CHD8: variants seen among roughly 807,000 people sequenced by gnomAD.
CHD8 encodes chromodomain helicase DNA binding protein 8.
A neutral mutation model predicts 279.2 loss-of-function variants in CHD8; 31 were observed. The observed-to-expected ratio is 0.11, with a 90% CI of 0.08 to 0.15. CHD8 has a LOEUF of 0.15. Among genes scored for constraint, CHD8 ranks in the 10% least tolerant of loss-of-function variants. CHD8 has a pLI of 1.00. For missense variants in CHD8, 2,146 were observed against 3,230.5 expected, an observed-to-expected ratio of 0.66 and a Z score of 8.14; for synonymous variants, 1,081 against 1,139.6, an observed-to-expected ratio of 0.95 and a Z score of 1.04.
chr14:21,401,668 T>C (rs1888043541), intron 20 of CHD8, 155 bp from the exon 21 acceptor site: 6 of 590,724 alleles, frequency 1.0e-5, no homozygotes, highest in Non-Finnish European at 1.7e-5. Context: ...CACCGCAACC[T>C]CCACCCCCTG....
intron 13 of CHD8, among the ~76,000 whole-genome samples, chr14:21,407,757 C>G (rs992381714): frequency 2.0e-5 from 3 of 151,910 alleles, no homozygotes; most frequent in African/African-American, 7.3e-5. Context: ...TACAGGTGCC[C>G]ACCACCACAC....
Position 21,391,636 on chromosome 14 carries a change from C to A in CHD8, c.6892G>T (p.Val2298Leu). The change falls in exon 36 of 38, where the codon GTG becomes TTG. Residue 2298 changes from valine to leucine, a missense_variant. Coordinates refer to ENST00000646647, the MANE Select transcript of CHD8 (RefSeq NM_001170629.2). ...GNRKKLVELEVECMEEPNHLD... is the reference protein window; with the variant it reads ...GNRKKLVELELECMEEPNHLD... The stretch of plus-strand genomic sequence containing the variant: ...TGATTAGGCTCTTCCATGCACTCCA[C>A]CTCCAGCTGCAAACCCAGAATCCAC... 6.3e-7 allele frequency: 1 copy of A among 1,590,238 alleles called. No individual in the cohort carries two copies. Among genetic ancestry groups the A allele is most frequent in the Non-Finnish European group, 8.6e-7 (1 of 1,167,968 alleles).
At chr14:21,412,852 G>C in intron 10 of CHD8, 61 bp downstream of exon 10, 2 of 1,058,042 alleles carry the variant, frequency 1.9e-6, no homozygotes, top group Non-Finnish European at 2.9e-6. Context: ...TAAAGGATTG[G>C]CAAACCCACC....
In CHD8 at chr14:21,431,803, G is replaced by T; in HGVS notation, c.-160C>A. On this transcript the variant is annotated 5_prime_UTR_variant, in exon 2 of 38. Coordinates refer to ENST00000646647, the MANE Select transcript of CHD8 (RefSeq NM_001170629.2). Reference sequence around the variant, plus strand: ...GCAAGAAACAAGTGCATGTCAGATTGTCCTGACCTTCATGGAGCAAGATGG... The same window carrying T: ...GCAAGAAACAAGTGCATGTCAGATTTTCCTGACCTTCATGGAGCAAGATGG... The T allele has an allele frequency of 1.2e-6, 2 of 1,613,444 alleles. No homozygotes were observed. Among genetic ancestry groups the T allele is most frequent in the Non-Finnish European group, 8.5e-7 (1 of 1,179,440 alleles).
intron 1 of CHD8, among the ~76,000 whole-genome samples, chr14:21,453,971 T>C (rs981802287): frequency 2.6e-5 from 4 of 151,072 alleles, no homozygotes; most frequent in Non-Finnish European, 4.4e-5. Context: ...CTAGCCAATA[T>C]GGTGAAACCC....
chr14:21,440,695 C>G (rs546331446), intron 1 of CHD8, among the ~76,000 whole-genome samples: 1 of 152,052 alleles, frequency 6.6e-6, no homozygotes, highest in Non-Finnish European at 1.5e-5. Flanking sequence ...AAGTGTAAAT[C>G]GCGAAGAAGG....
intron 4 of CHD8, 150 bp from the exon 5 acceptor site, chr14:21,426,392 T>C: frequency 6.8e-6 from 4 of 584,722 alleles, no homozygotes; most frequent in Non-Finnish European, 9.0e-6. Flanking sequence ...CTAAATATGG[T>C]GTTTGAAAAA....
chr14:21,436,319 A>G (rs1889779166), intron 1 of CHD8, among the ~76,000 whole-genome samples: 1 of 152,276 alleles, frequency 6.6e-6, no homozygotes, highest in African/African-American at 2.4e-5. Flanking sequence ...TAAATGAGAA[A>G]TACCTTGAAA....
chr14:21,431,886 A>G, intron 1 of CHD8, 28 bp from the exon 2 acceptor site: 2 of 1,516,720 alleles, frequency 1.3e-6, no homozygotes, highest in Non-Finnish European at 1.8e-6. Flanking sequence ...ATACAAATGA[A>G]AAATAGGCAA....
At position 21,391,617 on chromosome 14, in the gene CHD8, G is replaced by A; in HGVS notation, c.6911C>T (p.Pro2304Leu). ...CTCCAGGTCCACATCAAGGTGATTA[G>A]GCTCTTCCATGCACTCCACCTCCAG... ...VELEVECMEEPNHLDVDLETR... is the reference protein window; with the variant it reads ...VELEVECMEELNHLDVDLETR... The change falls in exon 36 of 38, where the codon CCT becomes CTT. Residue 2304 changes from proline to leucine, a missense_variant. Around this residue, in one of 26 missense-constraint regions of CHD8, gnomAD observed 336 missense variants for 392.9 expected, o/e 0.86. Transcript: ENST00000646647. 6.2e-7 allele frequency: 1 copy of A among 1,605,242 alleles called. No homozygotes were observed. Among genetic ancestry groups the A allele is most frequent in the Non-Finnish European group, 8.5e-7 (1 of 1,175,472 alleles).
At chr14:21,423,938 A>G (rs1889174217) in intron 5 of CHD8, among the ~76,000 whole-genome samples, 1 of 152,232 alleles carries the variant, frequency 6.6e-6, no homozygotes. Flanking sequence ...AGAGTCAAGA[A>G]AAGAACCCAA....
At chr14:21,428,413 T>C (rs1290149082) in intron 3 of CHD8, among the ~76,000 whole-genome samples, 159 bp from the exon 4 acceptor site, 1 of 152,262 alleles carries the variant, frequency 6.6e-6, no homozygotes, top group Admixed American at 6.5e-5. Flanking sequence ...TTTTAAAATG[T>C]ATTCTTTTGG....
chr14:21,434,224 T>C (rs1350667384), intron 1 of CHD8, among the ~76,000 whole-genome samples: 2 of 152,042 alleles, frequency 1.3e-5, no homozygotes, highest in Non-Finnish European at 2.9e-5. Flanking sequence ...TTTGTATTTT[T>C]AGTAGAGACA....
At chr14:21,407,905 G>A (rs373775919) in intron 13 of CHD8, among the ~76,000 whole-genome samples, 29 of 152,008 alleles carry the variant, frequency 1.9e-4, no homozygotes, top group African/African-American at 5.6e-4. Context: ...CACCACGCCC[G>A]ACCATTTAGA....
rs778530750 is a variant in CHD8, at chr14:21,393,760, G to A, written c.6035C>T (p.Thr2012Ile). Residue 2012 changes from threonine (T) to isoleucine (I), a missense_variant, in exon 32 of 38, where the codon ACA becomes ATA. By Grantham distance (89) the Thr-to-Ile change is moderately conservative. This residue lies in a region of CHD8 where 513 missense variants were observed against 637.6 expected (regional missense o/e 0.80). Transcript: ENST00000646647. ...DAPVEKSPEE[T>I]ATQVPSLESL... ...CTCCAGACTGGGGACCTGGGTAGCT[G>A]TCTCCTCGGGTGACTTTTCAACAGG... is the stretch of plus-strand genomic sequence containing the variant. The A allele has an allele frequency of 1.9e-6, 3 of 1,613,818 alleles. No homozygotes were observed. The highest frequency in any genetic ancestry group is 2.7e-5 in the African/African-American group (2 of 74,916).
chr14:21,394,001 C>G lies in CHD8; in HGVS notation c.5794G>C (p.Glu1932Gln). Residue 1932 changes from glutamate to glutamine, a missense_variant, in exon 32 of 38, where the codon GAG (glutamate) becomes CAG (glutamine). Coordinates refer to ENST00000646647, the MANE Select transcript of CHD8 (RefSeq NM_001170629.2). Reference protein sequence around the residue: ...KWWEPVRHDGELLRGAARHGV... With the variant: ...KWWEPVRHDGQLLRGAARHGV... ...TGGCGGGCTGCCCCTCTTAGAAGCTCCCCATCATGCCGAACAGGCTCCCAC... is the reference window on the plus strand; with the variant it reads ...TGGCGGGCTGCCCCTCTTAGAAGCTGCCCATCATGCCGAACAGGCTCCCAC... The G allele has an allele frequency of 2.5e-6, 4 of 1,613,910 alleles. No homozygotes were observed. In the South Asian group the frequency reaches 4.4e-5, roughly 18 times the overall value.
intron 1 of CHD8, chr14:21,436,878 TG>T: frequency 9.4e-6 from 7 of 743,098 alleles, no homozygotes; most frequent in African/African-American, 5.8e-5. Flanking sequence ...GGGGTGGGGG[TG>T]GGGGGGACCC....
At chr14:21,449,330 C>T (rs1186916173) in intron 1 of CHD8, among the ~76,000 whole-genome samples, 2 of 152,120 alleles carry the variant, frequency 1.3e-5, no homozygotes, top group African/African-American at 4.8e-5. Flanking sequence ...ACATACATTT[C>T]AGTTATTCTT....
chr14:21,420,230 G>A (rs1888963000), intron 5 of CHD8, among the ~76,000 whole-genome samples: 1 of 152,242 alleles, frequency 6.6e-6, no homozygotes, highest in South Asian at 2.1e-4. Flanking sequence ...CTTCAGCAGA[G>A]TGCCAGGAAG....
Sources: allele counts gnomAD v4.1 joint callset (sites outside exome capture counted in the v4.1 genomes callset), GRCh38; gene constraint gnomAD v4.1.1; regional missense constraint gnomAD v4.1.1; transcripts MANE v1.5; gene names NCBI Gene and HGNC (gene_info 2026-07-23, HGNC 2026-07-21).